The following TTC13 variants were observed in gnomAD, a reference collection of about 807,000 sequenced individuals.
TTC13 encodes tetratricopeptide repeat protein 13.
TTC13 carries 62 observed loss-of-function variants against 120.0 expected under a neutral mutation model. That is an observed-to-expected ratio of 0.52 (90% CI 0.42 to 0.64). The LOEUF is 0.64. TTC13 is among the 30% of genes least tolerant of loss of function. TTC13 has a pLI of 0.00. For synonymous variants in TTC13, 384 were observed against 393.5 expected, an observed-to-expected ratio of 0.98 and a Z score of 0.28; for missense variants, 824 against 1,050.2, an observed-to-expected ratio of 0.78 and a Z score of 2.98.
chr1:230,909,925 C>T lies in TTC13; in HGVS notation c.2310-905G>A, dbSNP rs138679200. ...TAGGAGGCATTTGTAAGACGTTGTG[C>T]TTCTGCTCTTGGTGAGGGAAGAGAG... On this transcript the variant is annotated intron_variant, in intron 20 of 22. Transcript: ENST00000366661. Among the ~76,000 whole-genome samples the T allele has an allele frequency of 5.9e-5, 9 of 152,218 alleles. No individual in the cohort carries two copies. The East Asian group carries it at 1.7e-3, about 29-fold the overall frequency.
chr1:230,965,135 T>C (rs1194804744), intron 1 of TTC13, among the ~76,000 whole-genome samples: 5 of 152,124 alleles, frequency 3.3e-5, no homozygotes, highest in Admixed American at 2.6e-4. Context: ...TGGGATCATG[T>C]CAAGTTGAAA....
intron 1 of TTC13, among the ~76,000 whole-genome samples, chr1:230,964,657 C>T (rs1451776866): frequency 6.6e-6 from 1 of 152,164 alleles, no homozygotes; most frequent in Non-Finnish European, 1.5e-5. Context: ...AATTTGAATG[C>T]CACCTTTATA....
rs372886372 is a variant in TTC13 at position 230,962,750 on chromosome 1, C to G, written c.272-1447G>C. 3.1e-4 allele frequency among the ~76,000 whole-genome samples: 47 copies of G among 152,120 alleles called. No homozygotes were observed. In the South Asian group the frequency reaches 8.7e-3, roughly 28 times the overall value. On this transcript the variant is annotated intron_variant, in intron 1 of 22. Coordinates refer to ENST00000366661, the MANE Select transcript of TTC13 (RefSeq NM_024525.5). ...GGTGTATACAGAGTAGAATACTATT[C>G]GACCATAAAAAAATGAACTACTGAT...
intron 1 of TTC13, among the ~76,000 whole-genome samples, chr1:230,972,929 G>T (rs1279774114): frequency 6.6e-6 from 1 of 152,172 alleles, no homozygotes; most frequent in Non-Finnish European, 1.5e-5. Flanking sequence ...AATGCCACAG[G>T]GGCCAGGATG....
chr1:230,961,290 C>G lies in TTC13; in HGVS notation c.285G>C (p.Leu95Phe). 1 of 1,613,198 alleles carries G rather than the reference C, an allele frequency of 6.2e-7. No individual in the cohort carries two copies. ...YSAECGESSF[L>F]NFHDSDCEPK... ...GTTCGCAGTCTGAGTCATGGAAGTT[C>G]AAAAAGGATGACTCTGAAAGGCAAG... Residue 95 changes from leucine to phenylalanine, a missense_variant, in exon 2 of 23, where the codon TTG becomes TTC. Physicochemically the swap from Leu to Phe is conservative, Grantham distance 22. Coordinates refer to ENST00000366661, the MANE Select transcript of TTC13 (RefSeq NM_024525.5).
intron 3 of TTC13, among the ~76,000 whole-genome samples, chr1:230,957,856 C>T (rs1221615273): frequency 7.3e-6 from 1 of 136,982 alleles, no homozygotes; most frequent in Non-Finnish European, 1.6e-5. Flanking sequence ...GTTAAAATAA[C>T]TTAAACATAG....
intron 18 of TTC13, among the ~76,000 whole-genome samples, chr1:230,914,231 C>A (rs1558165306): frequency 6.6e-6 from 1 of 152,106 alleles, no homozygotes; most frequent in Non-Finnish European, 1.5e-5. Flanking sequence ...CATGGATCCA[C>A]TTATACGAGG....
intron 11 of TTC13, among the ~76,000 whole-genome samples, chr1:230,929,338 A>G (rs1409759135): frequency 1.6e-4 from 6 of 36,892 alleles, no homozygotes; most frequent in Non-Finnish European, 3.8e-4. Flanking sequence ...TTTTTTTGAG[A>G]CGGAGTCTTG....
In TTC13 at chr1:230,958,304, GAAAAA is replaced by G. The variant is rs60736833; in HGVS notation, c.367-10_367-6del. 3.4e-6 allele frequency: 5 copies of G among 1,450,352 alleles called. No individual in the cohort carries two copies. Among genetic ancestry groups the G allele is most frequent in the Admixed American group, 2.3e-5 (1 of 43,880 alleles). The allele number at this position is 1,450,352 out of a possible 1,614,324, so 89.8% of individuals were successfully genotyped here. The stretch of plus-strand genomic sequence containing the variant: ...TGCAATAGACTTGGCCTGGCTCTGG[GAAAAA>G]AAAAAAAAAAACCCATACATTTTAG... On this transcript the variant is annotated splice_polypyrimidine_tract_variant and splice_region_variant and intron_variant, in intron 2 of 22. Coordinates refer to ENST00000366661, the MANE Select transcript of TTC13 (RefSeq NM_024525.5).
chr1:230,937,664 C>A (rs1270673985), intron 8 of TTC13, among the ~76,000 whole-genome samples: 1 of 152,176 alleles, frequency 6.6e-6, no homozygotes, highest in African/African-American at 2.4e-5. Flanking sequence ...TGCAAAATTC[C>A]TTTTGGTTTG....
chr1:230,964,901 G>T (rs976835539), intron 1 of TTC13, among the ~76,000 whole-genome samples: 1 of 152,168 alleles, frequency 6.6e-6, no homozygotes, highest in Non-Finnish European at 1.5e-5. Flanking sequence ...TCAATAAATG[G>T]TGCTGGGAAA....
chr1:230,919,958 A>T (rs943740823), intron 17 of TTC13, among the ~76,000 whole-genome samples: 2 of 152,194 alleles, frequency 1.3e-5, no homozygotes, highest in African/African-American at 4.8e-5. Flanking sequence ...GAGTGCTCAC[A>T]TTAACCCCTG....
intron 17 of TTC13, 184 bp downstream of exon 17, chr1:230,920,326 T>A: frequency 2.3e-6 from 1 of 438,288 alleles, no homozygotes; most frequent in East Asian, 3.8e-5. Context: ...AACTGCTTCC[T>A]CACAAGTTGT....
chr1:230,925,371 G>C, intron 13 of TTC13, 146 bp downstream of exon 13: 1 of 991,958 alleles, frequency 1.0e-6, no homozygotes, highest in South Asian at 1.7e-5. Context: ...AATTCAGTTT[G>C]AATGATTCTA....
intron 4 of TTC13, among the ~76,000 whole-genome samples, chr1:230,949,344 G>T (rs4999860): frequency 2.2e-5 from 3 of 137,070 alleles, no homozygotes; most frequent in African/African-American, 8.2e-5. Context: ...AGTGAATGAC[G>T]TATGGTGGCC....
Position 230,978,699 on chromosome 1 carries a change from C to T in TTC13, c.132G>A (p.Leu44=). ...AGAGCGGCGAGTAGTGCTCGGTGGCCAGGGCGCCTGGCCGCAGCCCGGCGG... is the reference window on the plus strand; with the variant it reads ...AGAGCGGCGAGTAGTGCTCGGTGGCTAGGGCGCCTGGCCGCAGCCCGGCGG... ...VLSAGLRPGA[L]ATEHYSPLSL... is the part of the protein sequence containing the mutation. The change falls in exon 1 of 23, where the codon CTG becomes CTA. Residue 44 remains leucine, a synonymous_variant. Transcript: ENST00000366661. The surrounding 1 kb of genome is among the most constrained non-coding windows in gnomAD (Gnocchi z 5.6). 4 of 1,494,520 alleles carry T rather than the reference C, an allele frequency of 2.7e-6. No individual in the cohort carries two copies. Among genetic ancestry groups the T allele is most frequent in the Admixed American group, 2.2e-5 (1 of 45,652 alleles). 92.6% of individuals were successfully genotyped at this position (1,494,520 alleles called of 1,614,324 possible).
chr1:230,949,707 G>A (rs569258690), intron 4 of TTC13, among the ~76,000 whole-genome samples: 12 of 151,862 alleles, frequency 7.9e-5, no homozygotes, highest in East Asian at 5.8e-4. Flanking sequence ...CTGCAGTGGC[G>A]CGATCTTGGC....
intron 4 of TTC13, among the ~76,000 whole-genome samples, chr1:230,953,720 C>T (rs1275207460): frequency 1.3e-5 from 2 of 152,144 alleles, no homozygotes; most frequent in Non-Finnish European, 2.9e-5. Context: ...AATAATGATA[C>T]AAGATACAAG....
At chr1:230,950,878 AG>A (rs1675507637) in intron 4 of TTC13, among the ~76,000 whole-genome samples, 1 of 152,198 alleles carries the variant, frequency 6.6e-6, no homozygotes, top group African/African-American at 2.4e-5. Context: ...ATCAGGAAAA[AG>A]TTCTACTTTT....
Sources: allele counts gnomAD v4.1 joint callset (sites outside exome capture counted in the v4.1 genomes callset), GRCh38; gene constraint gnomAD v4.1.1; non-coding constraint Gnocchi (gnomAD v3.1); transcripts MANE v1.5; gene names NCBI Gene and HGNC (gene_info 2026-07-23, HGNC 2026-07-21).